TMEM175: variants seen among roughly 807,000 people sequenced by gnomAD.
The protein encoded by TMEM175 is endosomal/lysosomal proton channel TMEM175.
TMEM175 carries 36 observed loss-of-function variants against 36.5 expected under a neutral mutation model. The observed-to-expected ratio is 0.99, with a 90% confidence interval of 0.76 to 1.30. The LOEUF (loss-of-function observed/expected upper bound fraction) is 1.30, where lower values mean the gene tolerates loss of function less well. Ranked by LOEUF, TMEM175 falls within the 50% of genes most tolerant of loss-of-function variation. TMEM175 has a pLI of 0.00. For missense variants in TMEM175, 705 were observed against 692.8 expected (o/e 1.02, Z -0.20); for synonymous variants, 339 against 313.4 (o/e 1.08, Z -0.86).
At position 952,432 on chromosome 4, in the gene TMEM175, C is replaced by T. The variant is rs138134500; in HGVS notation, c.444C>T (p.Ile148=). The change falls in exon 7 of 11, where the codon ATC becomes ATT. Residue 148 remains isoleucine (I), a synonymous_variant. Transcript: ENST00000264771. ...LGIFLFCVCV[I]AIGVVQALIV... ...TCTTCTTGTTCTGTGTGTGTGTGATCGCCATTGGGGTCGTGCAGGTAGGGG... is the reference window on the plus strand; with the variant it reads ...TCTTCTTGTTCTGTGTGTGTGTGATTGCCATTGGGGTCGTGCAGGTAGGGG... 2.0e-5 allele frequency: 32 copies of T among 1,601,082 alleles called. No homozygotes were observed. The highest frequency in any genetic ancestry group is 2.6e-5 in the Non-Finnish European group (31 of 1,176,330).
chr4:934,121 G>A (rs564669485), intron 1 of TMEM175, among the ~76,000 whole-genome samples: 13 of 152,364 alleles, frequency 8.5e-5, no homozygotes, highest in African/African-American at 2.9e-4. Flanking sequence ...CAGCCAGTGC[G>A]TTTGTCTGGT....
intron 6 of TMEM175, 146 bp downstream of exon 6, chr4:951,863 G>T: frequency 1.2e-6 from 1 of 852,406 alleles, no homozygotes; most frequent in South Asian, 1.6e-5. Flanking sequence ...AGAGCCAGCT[G>T]TTGGGCTGTT....
chr4:937,152 T>G (rs1560470135), intron 1 of TMEM175, among the ~76,000 whole-genome samples: 1 of 152,142 alleles, frequency 6.6e-6, no homozygotes, highest in Non-Finnish European at 1.5e-5. Context: ...TATATACACC[T>G]ACTATATACC....
chr4:948,591 C>G (rs1200236064), intron 3 of TMEM175: 2 of 1,306,170 alleles, frequency 1.5e-6, no homozygotes, highest in Non-Finnish European at 2.0e-6. Context: ...ACACTCCCAC[C>G]CCGGCTGCTC....
At chr4:942,067 CT>C (rs34604457) in intron 1 of TMEM175, among the ~76,000 whole-genome samples, 5 of 145,190 alleles carry the variant, frequency 3.4e-5, no homozygotes, top group African/African-American at 5.1e-5. Flanking sequence ...CTTTTTTTTT[CT>C]TTTTTTTTTG....
intron 3 of TMEM175, chr4:948,374 G>A: frequency 2.0e-6 from 3 of 1,532,362 alleles, no homozygotes; most frequent in South Asian, 2.4e-5. Flanking sequence ...TGGGAGGGTG[G>A]GAGACTGGGC....
Position 932,960 on chromosome 4 carries a change from G to C in TMEM175, c.-32+420G>C, listed in dbSNP as rs1250008135. Among the ~76,000 whole-genome samples, 2 of 152,132 alleles carry C rather than the reference G, an allele frequency of 1.3e-5. No homozygotes were observed. Among genetic ancestry groups the C allele is most frequent in the Non-Finnish European group, 2.9e-5 (2 of 68,022 alleles). On this transcript the variant is annotated intron_variant, in intron 1 of 10. Coordinates refer to ENST00000264771, the MANE Select transcript of TMEM175 (RefSeq NM_032326.4). The surrounding 1 kb of genome is among the most constrained non-coding windows in gnomAD (Gnocchi z 4.0). The stretch of plus-strand genomic sequence containing the variant: ...GTGGGCTAGAAAAACCTTCGTCCTG[G>C]GCAACCACAACACTGCAGAGACTGC...
At chr4:955,729 G>T (rs1397848813) in intron 9 of TMEM175, 26 bp from the exon 10 acceptor site, 2 of 1,607,568 alleles carry the variant, frequency 1.2e-6, no homozygotes, top group Non-Finnish European at 1.7e-6. Flanking sequence ...GGTTTGGCCA[G>T]CTCCACCCTC....
Position 950,515 on chromosome 4 carries a change from C to A in TMEM175, c.287C>A (p.Thr96Lys), listed in dbSNP as rs780081745. Residue 96 changes from threonine (T) to lysine (K), a missense_variant, in exon 4 of 11, where the codon ACA becomes AAA. Transcript: ENST00000264771. ...LIVTVAWAAH[T>K]RLFQVVGKTD... ...GTGACAGTGGCCTGGGCAGCACACA[C>A]AAGGTGGGGGCCCGGGCGCTTCCAG... 6.2e-7 allele frequency: 1 copy of A among 1,613,392 alleles called. No individual in the cohort carries two copies. Among genetic ancestry groups the A allele is most frequent in the Non-Finnish European group, 8.5e-7 (1 of 1,179,500 alleles).
At chr4:955,531 A>C (rs1577447083) in intron 9 of TMEM175, 48 bp downstream of exon 9, 1 of 1,571,180 alleles carries the variant, frequency 6.4e-7, no homozygotes, top group Non-Finnish European at 8.7e-7. Context: ...TAGTCCGCCC[A>C]CCTCCGTGCG....
intron 1 of TMEM175, among the ~76,000 whole-genome samples, chr4:940,553 C>T (rs1258347836): frequency 6.7e-6 from 1 of 150,190 alleles, no homozygotes; most frequent in Non-Finnish European, 1.5e-5. Flanking sequence ...CTGTATGATA[C>T]TGTTTTGGTG....
chr4:950,495 A>G lies in TMEM175; in HGVS notation c.267A>G (p.Thr89=). ...AVYLMTFLIV[T]VAWAAHTRLF... is the part of the protein sequence containing the mutation. ...ACCTGATGACCTTTCTCATCGTGAC[A>G]GTGGCCTGGGCAGCACACACAAGGT... The change falls in exon 4 of 11, where the codon ACA becomes ACG. Residue 89 remains threonine, a synonymous_variant. Coordinates refer to ENST00000264771, the MANE Select transcript of TMEM175 (RefSeq NM_032326.4). 2 of 1,614,042 alleles carry G rather than the reference A, an allele frequency of 1.2e-6. No homozygotes were observed. The highest frequency in any genetic ancestry group is 4.5e-5 in the East Asian group (2 of 44,882).
chr4:955,684 G>A (rs1306468388), intron 9 of TMEM175, 71 bp from the exon 10 acceptor site: 26 of 1,573,648 alleles, frequency 1.7e-5, no homozygotes, highest in South Asian at 2.3e-5. Flanking sequence ...GGATGAGGGC[G>A]GTGACAGCCA....
intron 1 of TMEM175, among the ~76,000 whole-genome samples, chr4:945,172 G>GTGAGGCAGCCTGTCACGGCAGTCCCAT (rs139903028): frequency 2.5e-4 from 38 of 151,962 alleles, no homozygotes; most frequent in African/African-American, 8.9e-4. Context: ...GGCAGTCCCA[G>GTGAGGCAGCCTGTCACGGCAGTCCCAT]TGAGACTGCC....
At position 957,959 on chromosome 4, in the gene TMEM175, C is replaced by T. The variant is rs769587703; in HGVS notation, c.978C>T (p.Ala326=). ...SFATVGLLWF[A]HHSLFLHVRK... Reference sequence around the variant, plus strand: ...CCACAGTGGGACTGCTGTGGTTCGCCCACCACTCACTCTTCCTGCATGTGC... The same window carrying T: ...CCACAGTGGGACTGCTGTGGTTCGCTCACCACTCACTCTTCCTGCATGTGC... The change falls in exon 11 of 11, where the codon GCC becomes GCT. Residue 326 remains alanine (A), a synonymous_variant. Transcript: ENST00000264771. 1.2e-6 allele frequency: 2 copies of T among 1,612,888 alleles called. No individual in the cohort carries two copies. The highest frequency in any genetic ancestry group is 1.7e-5 in the Admixed American group (1 of 60,018).
intron 1 of TMEM175, among the ~76,000 whole-genome samples, chr4:935,351 T>C (rs963958907): frequency 1.3e-5 from 2 of 152,360 alleles, no homozygotes; most frequent in East Asian, 1.9e-4. Flanking sequence ...AACATGTATA[T>C]ATCCAAAACT....
chr4:939,043 T>C (rs1348455341), intron 1 of TMEM175, among the ~76,000 whole-genome samples: 1 of 152,254 alleles, frequency 6.6e-6, no homozygotes, highest in Non-Finnish European at 1.5e-5. Flanking sequence ...GTGCCTGTAG[T>C]CGCAGCAACT....
At chr4:939,032 C>T (rs543246767) in intron 1 of TMEM175, among the ~76,000 whole-genome samples, 147 of 152,304 alleles carry the variant, frequency 9.7e-4, no homozygotes, top group Non-Finnish European at 1.7e-3. Context: ...TGTAGAGGTA[C>T]GTGCCTGTAG....
intron 6 of TMEM175, 106 bp downstream of exon 6, chr4:951,823 C>A: frequency 8.1e-7 from 1 of 1,238,626 alleles, no homozygotes; most frequent in Non-Finnish European, 1.2e-6. Context: ...CCAGGCCACA[C>A]GGTTGTAGAG....
Sources: gnomAD v4.1 joint callset for allele counts (sites outside exome capture counted in the v4.1 genomes callset) on GRCh38, gnomAD v4.1.1 for gene constraint, Gnocchi (gnomAD v3.1) non-coding constraint, MANE v1.5 for transcripts, NCBI Gene and HGNC (gene_info 2026-07-23, HGNC 2026-07-21) for gene names.